The following PCDHA11 variants were observed in gnomAD, a reference collection of about 807,000 sequenced individuals.
The protein encoded by PCDHA11 is protocadherin alpha-11.
A neutral mutation model predicts 70.3 loss-of-function variants in PCDHA11; 61 were observed. The ratio of observed to expected loss-of-function variants is 0.87; its 90% confidence interval spans 0.71 to 1.07. PCDHA11 has a LOEUF of 1.07. PCDHA11 is among the 50% of genes least tolerant of loss of function. PCDHA11 has a pLI of 0.00. For synonymous variants in PCDHA11, 633 were observed against 555.1 expected, an observed-to-expected ratio of 1.14 and a Z score of -1.97; for missense variants, 1,324 against 1,237.5, an observed-to-expected ratio of 1.07 and a Z score of -1.05.
At chr5:140,943,547 C>T (rs1376489824) in intron 1 of PCDHA11, among the ~76,000 whole-genome samples, 20 of 152,104 alleles carry the variant, frequency 1.3e-4, no homozygotes, top group African/African-American at 4.6e-4. Context: ...TGTAAATAGA[C>T]GTAGACAATA....
intron 3 of PCDHA11, among the ~76,000 whole-genome samples, chr5:140,990,256 A>G (rs2153888367): frequency 6.6e-6 from 1 of 152,332 alleles, no homozygotes; most frequent in Middle Eastern, 3.4e-3. Flanking sequence ...TCTGCTGGAT[A>G]CCAAACAATG....
At chr5:140,938,887 A>ACG (rs2092246756) in intron 1 of PCDHA11, among the ~76,000 whole-genome samples, 1 of 152,094 alleles carries the variant, frequency 6.6e-6, no homozygotes, top group South Asian at 2.1e-4. Flanking sequence ...ACACACACAC[A>ACG]CACAGATGCG....
intron 1 of PCDHA11, among the ~76,000 whole-genome samples, chr5:140,900,051 C>G (rs1489382607): frequency 6.6e-6 from 1 of 152,168 alleles, no homozygotes; most frequent in African/African-American, 2.4e-5. Flanking sequence ...CTCAAGTGAT[C>G]CTTTAACCTC....
chr5:140,929,070 G>A lies in PCDHA11; in HGVS notation c.2392-49879G>A, dbSNP rs2085795989. 2.5e-6 allele frequency: 4 copies of A among 1,614,200 alleles called. No homozygotes were observed. The African/African-American group carries it at 5.3e-5, about 22-fold the overall frequency. ...GCTGTCGCTCTACAGAGGATCTGAG[G>A]TATGGAAGTAAGATGGTTTCAAATC... On this transcript the variant is annotated intron_variant, in intron 1 of 3. Coordinates refer to ENST00000398640, the MANE Select transcript of PCDHA11 (RefSeq NM_018902.5).
rs1012749061 is a variant in PCDHA11 at position 141,011,525 on chromosome 5, C to T, written c.*1588C>T. Reference sequence around the variant, plus strand: ...AAAAGTGGAGTAGTGTTTTTTTAACCATTGTTAATCAGCTTTTGTGTATGA... The same window carrying T: ...AAAAGTGGAGTAGTGTTTTTTTAACTATTGTTAATCAGCTTTTGTGTATGA... On this transcript the variant is annotated 3_prime_UTR_variant, in exon 4 of 4. Coordinates refer to ENST00000398640, the MANE Select transcript of PCDHA11 (RefSeq NM_018902.5). 11 of 153,568 alleles carry T rather than the reference C, an allele frequency of 7.2e-5. No individual in the cohort carries two copies. The Admixed American group carries it at 7.2e-4, about 10-fold the overall frequency. 9.5% of individuals were successfully genotyped at this position (153,568 alleles called of 1,614,324 possible).
At chr5:140,884,539 G>A (rs782320700) in intron 1 of PCDHA11, 78 of 1,613,968 alleles carry the variant, frequency 4.8e-5, no homozygotes, top group Non-Finnish European at 6.2e-5. Flanking sequence ...GGCGGCCGAG[G>A]GTGTGCTCTG....
chr5:140,920,632 T>C (rs1054888668), intron 1 of PCDHA11, among the ~76,000 whole-genome samples: 2 of 152,018 alleles, frequency 1.3e-5, no homozygotes, highest in Non-Finnish European at 2.9e-5. Context: ...GATCACAAGG[T>C]CAAGAGATTG....
chr5:140,986,036 G>A (rs2097184937), intron 3 of PCDHA11, among the ~76,000 whole-genome samples: 2 of 152,116 alleles, frequency 1.3e-5, no homozygotes, highest in Admixed American at 1.3e-4. Context: ...ACTGCGCCTG[G>A]CCTCACTGAT....
intron 1 of PCDHA11, among the ~76,000 whole-genome samples, chr5:140,956,378 G>A (rs1317429422): frequency 5.9e-5 from 9 of 152,072 alleles, no homozygotes; most frequent in African/African-American, 1.7e-4. Context: ...GAATTTTATC[G>A]AAGGCCTTTT....
chr5:140,983,777 A>G (rs947937417), intron 3 of PCDHA11, among the ~76,000 whole-genome samples: 1 of 152,256 alleles, frequency 6.6e-6, no homozygotes, highest in Non-Finnish European at 1.5e-5. Context: ...ATCTACATAC[A>G]TAACAGATGA....
At chr5:140,872,432 G>T (rs2053660736) in intron 1 of PCDHA11, among the ~76,000 whole-genome samples, 1 of 152,026 alleles carries the variant, frequency 6.6e-6, no homozygotes, top group Non-Finnish European at 1.5e-5. Context: ...TTCGAGGCCT[G>T]CCTGGACAAC....
At position 140,883,003 on chromosome 5, in the gene PCDHA11, C is replaced by G. The variant is rs781977743; in HGVS notation, c.2391+11509C>G. 3.1e-6 allele frequency: 5 copies of G among 1,613,932 alleles called. No homozygotes were observed. The African/African-American group carries it at 5.3e-5, about 17-fold the overall frequency. On this transcript the variant is annotated intron_variant, in intron 1 of 3. Coordinates refer to ENST00000398640, the MANE Select transcript of PCDHA11 (RefSeq NM_018902.5). ...ACAACGCCCCGGAATTTTACCAATC[C>G]GTTTATAAAGTGACGGTGTTAGAGA... is the stretch of plus-strand genomic sequence containing the variant.
intron 1 of PCDHA11, among the ~76,000 whole-genome samples, chr5:140,904,631 G>A (rs150616068): frequency 0.029 from 4,338 of 152,074 alleles, 82 homozygotes; most frequent in Non-Finnish European, 0.044. Flanking sequence ...GTTCTTTAAG[G>A]AATCTCCACA....
At chr5:141,004,362 C>T (rs1357216048) in intron 3 of PCDHA11, among the ~76,000 whole-genome samples, 1 of 152,186 alleles carries the variant, frequency 6.6e-6, no homozygotes, top group Non-Finnish European at 1.5e-5. Flanking sequence ...AGAGACCACA[C>T]CTTGTTCTGC....
At chr5:140,884,258 A>G (rs782780491) in intron 1 of PCDHA11, 1 of 1,613,390 alleles carries the variant, frequency 6.2e-7, no homozygotes, top group South Asian at 1.1e-5. Flanking sequence ...GGCCACGGCA[A>G]CGGTGCTGTT....
At chr5:140,891,452 TG>T (rs2063116437) in intron 1 of PCDHA11, among the ~76,000 whole-genome samples, 1 of 150,254 alleles carries the variant, frequency 6.7e-6, no homozygotes, top group Non-Finnish European at 1.5e-5. Flanking sequence ...ATAGGATTTT[TG>T]AATTTGTGAA....
intron 1 of PCDHA11, among the ~76,000 whole-genome samples, chr5:140,897,765 C>T (rs1305140331): frequency 6.6e-6 from 1 of 152,216 alleles, no homozygotes; most frequent in Admixed American, 6.5e-5. Flanking sequence ...AATCGCCACA[C>T]TGACTTCCAC....
rs150949805 is a variant in PCDHA11, at chr5:141,009,832, C to T, written c.2745C>T (p.Phe915=). The stretch of plus-strand genomic sequence containing the variant: ...TTGACAAAAGTGACTTCATAACCTT[C>T]GGCAAAAAGGAGGAGACCAAGAAAA... ...SQIDKSDFIT[F]GKKEETKKKK... The change falls in exon 4 of 4, where the codon TTC becomes TTT. Residue 915 remains phenylalanine (F), a synonymous_variant. Coordinates refer to ENST00000398640, the MANE Select transcript of PCDHA11 (RefSeq NM_018902.5). The T allele has an allele frequency of 7.1e-5, 114 of 1,613,408 alleles. No individual in the cohort carries two copies. The highest frequency in any genetic ancestry group is 9.2e-5 in the Non-Finnish European group (109 of 1,179,918).
intron 1 of PCDHA11, chr5:140,927,232 G>A (rs1554204208): frequency 6.2e-7 from 1 of 1,614,104 alleles, no homozygotes; most frequent in African/African-American, 1.3e-5. Flanking sequence ...TCGGATTCAC[G>A]TCCTGGACAC....
Sources: gnomAD v4.1 joint callset for allele counts (sites outside exome capture counted in the v4.1 genomes callset) on GRCh38, gnomAD v4.1.1 for gene constraint, MANE v1.5 for transcripts, NCBI Gene and HGNC (gene_info 2026-07-23, HGNC 2026-07-21) for gene names.